WNK1: variants seen among roughly 807,000 people sequenced by gnomAD.
WNK1 encodes the protein WNK lysine deficient protein kinase 1.
Under a neutral mutation model 222.8 loss-of-function variants are expected in WNK1, and 38 were observed. The ratio of observed to expected loss-of-function variants is 0.17; its 90% CI spans 0.13 to 0.22. WNK1 has a LOEUF of 0.22. WNK1 is among the 10% of genes least tolerant of loss of function. WNK1 has a pLI of 1.00. For synonymous variants in WNK1, 1,090 were observed against 1,092.9 expected, an observed-to-expected ratio of 1.00 and a Z score of 0.05; for missense variants, 2,348 against 2,918.4, an observed-to-expected ratio of 0.80 and a Z score of 4.50.
chr12:906,431 C>G, intron 26 of WNK1: 2 of 985,312 alleles, frequency 2.0e-6, no homozygotes, highest in Non-Finnish European at 2.4e-6. Flanking sequence ...CCCTTTGCAC[C>G]CTGCCTCAGC....
Position 911,150 on chromosome 12 carries a change from T to A in WNK1, c.*2358T>A. 1 of 396,738 alleles carries A rather than the reference T, an allele frequency of 2.5e-6. No homozygotes were observed. Among genetic ancestry groups the A allele is most frequent in the East Asian group, 3.6e-5 (1 of 27,912 alleles). 24.6% of individuals were successfully genotyped at this position (396,738 alleles called of 1,614,324 possible). On this transcript the variant is annotated 3_prime_UTR_variant, in exon 28 of 28. Transcript: ENST00000315939. ...GTATGAAATAACAAGCCTAGAGGAA[T>A]GAACTAGTGCTACTGAACTGTTTAA...
At chr12:864,871 T>C (rs944232957) in intron 8 of WNK1, among the ~76,000 whole-genome samples, 9 of 152,158 alleles carry the variant, frequency 5.9e-5, no homozygotes, top group African/African-American at 2.2e-4. Context: ...AACTGATCAT[T>C]ATCATGATCA....
At chr12:864,427 G>A (rs952766282) in intron 8 of WNK1, among the ~76,000 whole-genome samples, 1 of 152,098 alleles carries the variant, frequency 6.6e-6, no homozygotes, top group Non-Finnish European at 1.5e-5. Flanking sequence ...ATTATTTAGA[G>A]ATTCAGATTG....
At chr12:826,998 C>T (rs1227094389) in intron 2 of WNK1, 44 bp from the exon 3 acceptor site, 2 of 1,511,746 alleles carry the variant, frequency 1.3e-6, no homozygotes, top group South Asian at 1.1e-5. Context: ...AAGCAACAAA[C>T]TCCTATCATT....
At chr12:864,242 A>C (rs1208210839) in intron 8 of WNK1, among the ~76,000 whole-genome samples, 2 of 151,446 alleles carry the variant, frequency 1.3e-5, no homozygotes, top group African/African-American at 4.9e-5. Context: ...CCAGTAGCTA[A>C]GATTACAGGC....
intron 1 of WNK1, among the ~76,000 whole-genome samples, chr12:767,405 A>G (rs1941896955): frequency 6.6e-6 from 1 of 151,774 alleles, no homozygotes; most frequent in South Asian, 2.1e-4. Context: ...GGCGCGCGCC[A>G]CCATGCCTGG....
At chr12:893,622 G>A (rs1243044997) in intron 22 of WNK1, among the ~76,000 whole-genome samples, 8 of 150,992 alleles carry the variant, frequency 5.3e-5, no homozygotes, top group Non-Finnish European at 1.2e-4. Context: ...AGGAGATCGA[G>A]ACCATCCTGA....
chr12:813,079 A>G (rs1450670488), intron 1 of WNK1, among the ~76,000 whole-genome samples: 1 of 152,152 alleles, frequency 6.6e-6, no homozygotes, highest in Non-Finnish European at 1.5e-5. Flanking sequence ...ACAAAAAATT[A>G]AAAAATTAGC....
intron 1 of WNK1, among the ~76,000 whole-genome samples, chr12:754,623 TG>T (rs1939701205): frequency 1.3e-5 from 2 of 152,244 alleles, no homozygotes; most frequent in South Asian, 4.1e-4. Context: ...TTGGAATGAG[TG>T]GGGAAGTTGA....
At position 879,936 on chromosome 12, in the gene WNK1, C is replaced by T. The variant is rs1427080573; in HGVS notation, c.2737C>T (p.Gln913Ter). ...VTQLPSQVHP[Q>*]LLQPAVQSMG... is the part of the protein sequence containing the mutation. ...TCAGCTGCCAAGTCAGGTTCACCCA[C>T]AGCTCCTACAACCAGCAGTTCAGTC... The change falls in exon 11 of 28, where the codon CAG becomes TAG. Residue 913 changes from glutamine to a stop codon, truncating the protein, a stop_gained. Transcript: ENST00000315939. LOFTEE classifies it high-confidence loss of function. 3 of 1,614,136 alleles carry T rather than the reference C, an allele frequency of 1.9e-6. No individual in the cohort carries two copies. The highest frequency in any genetic ancestry group is 2.2e-5 in the South Asian group (2 of 91,062).
chr12:848,980 T>C (rs1187903813), intron 4 of WNK1, among the ~76,000 whole-genome samples: 2 of 152,172 alleles, frequency 1.3e-5, no homozygotes, highest in Non-Finnish European at 2.9e-5. Context: ...TTATATCTGA[T>C]GGACCTTTGA....
intron 1 of WNK1, among the ~76,000 whole-genome samples, chr12:802,336 CT>C (rs1486867137): frequency 4.6e-5 from 7 of 152,072 alleles, no homozygotes; most frequent in African/African-American, 1.7e-4. Context: ...ATGACAGAAA[CT>C]TGAGAAACAT....
chr12:836,090 A>G (rs1422331945), intron 4 of WNK1, among the ~76,000 whole-genome samples: 2 of 152,250 alleles, frequency 1.3e-5, no homozygotes, highest in African/African-American at 2.4e-5. Context: ...CCCGAAATGT[A>G]TGACTAGGTA....
intron 1 of WNK1, among the ~76,000 whole-genome samples, chr12:795,293 G>A (rs184592576): frequency 5.2e-4 from 61 of 117,480 alleles, no homozygotes; most frequent in African/African-American, 1.7e-3. Context: ...CAGATTTTCC[G>A]TTGTTTTTTT....
At chr12:764,099 A>G (rs868571961) in intron 1 of WNK1, among the ~76,000 whole-genome samples, 1 of 147,246 alleles carries the variant, frequency 6.8e-6, no homozygotes, top group African/African-American at 2.4e-5. Flanking sequence ...GTTGTAGCTG[A>G]AATAATGGAA....
Position 890,557 on chromosome 12 carries a change from T to C in WNK1, c.5509+44T>C, listed in dbSNP as rs200366198. On this transcript the variant is annotated intron_variant, in intron 22 of 27. Coordinates refer to ENST00000315939, the MANE Select transcript of WNK1 (RefSeq NM_018979.4). ...CCTTTTATATTACTAATTCCAGCCC[T>C]ACCCGTAGTTGATTCAGGAGGTTTA... The C allele has an allele frequency of 1.6e-5, 25 of 1,601,668 alleles. No homozygotes were observed. The East Asian group carries it at 4.7e-4, about 30-fold the overall frequency.
At chr12:865,503 G>T in intron 8 of WNK1, 1 of 1,203,632 alleles carries the variant, frequency 8.3e-7, no homozygotes, top group South Asian at 1.8e-5. Flanking sequence ...AGTTATTCCT[G>T]TAGGAAACTT....
At chr12:888,027 C>T (rs1329217331) in intron 20 of WNK1, among the ~76,000 whole-genome samples, 3 of 152,176 alleles carry the variant, frequency 2.0e-5, no homozygotes, top group Non-Finnish European at 4.4e-5. Flanking sequence ...ACCGCCAACA[C>T]ATTTGTTGAA....
chr12:896,789 CA>C (rs1409515665), intron 24 of WNK1, 57 bp downstream of exon 24: 1 of 1,571,764 alleles, frequency 6.4e-7, no homozygotes, highest in Non-Finnish European at 8.6e-7. Flanking sequence ...ACCTAGATCC[CA>C]GGGCCAAGAT....
Sources: gnomAD v4.1 joint callset for allele counts (sites outside exome capture counted in the v4.1 genomes callset) on GRCh38, gnomAD v4.1.1 for gene constraint, MANE v1.5 for transcripts, NCBI Gene and HGNC (gene_info 2026-07-23, HGNC 2026-07-21) for gene names.